SSBP4: variants seen among roughly 807,000 people sequenced by gnomAD.
The protein encoded by SSBP4 is single stranded DNA binding protein 4, also known as single-stranded DNA-binding protein 4.
A neutral mutation model predicts 64.6 loss-of-function variants in SSBP4; 33 were observed. The ratio of observed to expected loss-of-function variants is 0.51; its 90% confidence interval spans 0.39 to 0.68. The LOEUF is 0.68. Among genes scored for constraint, SSBP4 ranks in the 30% least tolerant of loss-of-function variants. The probability of loss-of-function intolerance (pLI) is 0.00; values close to 1 mark genes in which losing one functional copy is unlikely to be tolerated. For missense variants in SSBP4, 583 were observed against 566.8 expected (o/e 1.03, Z -0.29); for synonymous variants, 243 against 224.0 (o/e 1.08, Z -0.76).
the SSBP4 span, among the ~76,000 whole-genome samples, chr19:18,404,891 C>CAAA: frequency 0.068 from 3,019 of 44,454 alleles, 239 homozygotes; most frequent in African/African-American, 0.17. Flanking sequence ...GACTCCATCT[C>CAAA]AAAAAAAAAA....
At position 18,427,344 on chromosome 19, in the gene SSBP4, C is replaced by T. The variant is rs1972930481; in HGVS notation, c.60-7C>T. On this transcript the variant is annotated splice_polypyrimidine_tract_variant and splice_region_variant and intron_variant, in intron 1 of 17. Coordinates refer to ENST00000270061, the MANE Select transcript of SSBP4 (RefSeq NM_032627.5). The surrounding 1 kb of genome is among the most constrained non-coding windows in gnomAD (Gnocchi z 4.4). The stretch of plus-strand genomic sequence containing the variant: ...TCTGAGCTCCCTGGGCCGCCTCGCC[C>T]CCACAGGTTGGCGCTGTACGTTTAT... 1.2e-6 allele frequency: 2 copies of T among 1,609,280 alleles called. No homozygotes were observed. The highest frequency in any genetic ancestry group is 1.7e-5 in the Admixed American group (1 of 59,966).
chr19:18,433,648 C>T (rs763762937), intron 16 of SSBP4, 35 bp downstream of exon 16: 16 of 205,772 alleles, frequency 7.8e-5, no homozygotes, highest in Non-Finnish European at 9.5e-5. Context: ...GGGTGGGATC[C>T]GGGGGGGGTG....
intron 17 of SSBP4, 117 bp downstream of exon 17, chr19:18,433,934 T>G (rs1973759956): frequency 8.1e-7 from 1 of 1,240,040 alleles, no homozygotes; most frequent in Admixed American, 4.3e-5. Context: ...GCGGGCCAGG[T>G]GGGGGGGCGG....
the SSBP4 span, among the ~76,000 whole-genome samples, chr19:18,411,318 C>T: frequency 6.6e-6 from 1 of 151,516 alleles, no homozygotes; most frequent in Admixed American, 6.6e-5. Flanking sequence ...CATGATGAAA[C>T]CTTGTCTCTA....
the SSBP4 span, among the ~76,000 whole-genome samples, chr19:18,413,153 T>TG: frequency 4.7e-5 from 7 of 148,956 alleles, no homozygotes; most frequent in African/African-American, 1.5e-4. Flanking sequence ...TTGGGTTTTT[T>TG]TTTTTTTTTT....
chr19:18,411,374 A>G, the SSBP4 span, among the ~76,000 whole-genome samples: 4 of 152,148 alleles, frequency 2.6e-5, no homozygotes, highest in African/African-American at 4.8e-5. Flanking sequence ...ACACACCTGT[A>G]ATCCCAGCTA....
rs1366561605 is a variant in SSBP4, at chr19:18,432,903, G to A, written c.841+20G>A. Reference sequence around the variant, plus strand: ...CTGGAGGTATGGCCTAGTAAGAGGTGGGGGTGTGCTAGGGTGGGTGTGTTT... The same window carrying A: ...CTGGAGGTATGGCCTAGTAAGAGGTAGGGGTGTGCTAGGGTGGGTGTGTTT... On this transcript the variant is annotated intron_variant, in intron 13 of 17. Coordinates refer to ENST00000270061, the MANE Select transcript of SSBP4 (RefSeq NM_032627.5). The A allele has an allele frequency of 6.2e-7, 1 of 1,613,842 alleles. No individual in the cohort carries two copies. Among genetic ancestry groups the A allele is most frequent in the African/African-American group, 1.3e-5 (1 of 74,898 alleles).
intron 10 of SSBP4, 152 bp downstream of exon 10, chr19:18,432,366 A>C (rs1973478847): frequency 1.5e-6 from 2 of 1,306,114 alleles, no homozygotes; most frequent in African/African-American, 1.5e-5. Flanking sequence ...GACTTGAAGT[A>C]GCAATTAGTC....
intron 4 of SSBP4, among the ~76,000 whole-genome samples, chr19:18,429,168 T>C (rs1973119017): frequency 6.6e-6 from 1 of 151,966 alleles, no homozygotes; most frequent in South Asian, 2.1e-4. Context: ...GCTCTCGCTC[T>C]AACTGGGGGC....
chr19:18,424,892 G>A (rs956281788), intron 1 of SSBP4, among the ~76,000 whole-genome samples: 12 of 151,766 alleles, frequency 7.9e-5, no homozygotes, highest in African/African-American at 1.5e-4. Context: ...AGGGGTGGGG[G>A]CTCAGGGTGT....
chr19:18,418,965 C>T, upstream of SSBP4: 3 of 985,280 alleles, frequency 3.0e-6, no homozygotes, highest in Non-Finnish European at 3.6e-6. The surrounding 1 kb of genome is among the most constrained non-coding windows in gnomAD (Gnocchi z 6.7). Flanking sequence ...TGGTTCCCAC[C>T]CTTGCTGAGT....
Position 18,419,492 on chromosome 19 carries a change from G to T in SSBP4, c.-157G>T, listed in dbSNP as rs1371304607. 3.7e-6 allele frequency: 4 copies of T among 1,092,066 alleles called. No individual in the cohort carries two copies. In the Admixed American group the frequency reaches 1.5e-4, roughly 42 times the overall value. The allele number at this position is 1,092,066 out of a possible 1,614,324, so 67.6% of individuals were successfully genotyped here. ...GAGCCGCCGCTGCCGCCGCCGCCGC[G>T]GCCGTCTGGAGCTCCCCCGCGCGGA... On this transcript the variant is annotated 5_prime_UTR_variant, in exon 1 of 18. Transcript: ENST00000270061.
chr19:18,408,136 C>T, the SSBP4 span, among the ~76,000 whole-genome samples: 9 of 152,204 alleles, frequency 5.9e-5, no homozygotes, highest in Admixed American at 5.9e-4. Context: ...CATGGTCGGC[C>T]AAGCATGTCC....
chr19:18,409,478 C>T, the SSBP4 span, among the ~76,000 whole-genome samples: 5 of 151,950 alleles, frequency 3.3e-5, no homozygotes, highest in African/African-American at 9.7e-5. Context: ...TGAGCCATGG[C>T]GACCAGCTGT....
intron 4 of SSBP4, among the ~76,000 whole-genome samples, chr19:18,428,758 T>C (rs563610438): frequency 4.0e-5 from 6 of 151,666 alleles, no homozygotes; most frequent in Admixed American, 6.6e-5. Context: ...GGGGCGCCCA[T>C]GTCTCTGAAG....
chr19:18,425,193 C>G (rs1355631815), intron 1 of SSBP4, among the ~76,000 whole-genome samples: 1 of 152,048 alleles, frequency 6.6e-6, no homozygotes, highest in Non-Finnish European at 1.5e-5. Context: ...AGGTAGAACC[C>G]TTCGCAGCCC....
chr19:18,431,346 C>G lies in SSBP4; in HGVS notation c.370-7C>G, dbSNP rs1054572149. ...TCCCCCCCACCCACCTGGTTCTGTC[C>G]TCCTAGGGCCCCCCCGGCTCCCAGC... On this transcript the variant is annotated splice_polypyrimidine_tract_variant and splice_region_variant and intron_variant, in intron 5 of 17. Transcript: ENST00000270061. 1.9e-5 allele frequency: 15 copies of G among 781,748 alleles called. No individual in the cohort carries two copies. Among genetic ancestry groups the G allele is most frequent in the African/African-American group, 3.6e-5 (2 of 56,272 alleles). 48.4% of individuals were successfully genotyped at this position (781,748 alleles called of 1,614,324 possible). A position where few individuals can be genotyped will look rare whatever the true frequency, so the allele number is the denominator to read the frequency against.
chr19:18,422,554 G>GC (rs1298483354), intron 1 of SSBP4, among the ~76,000 whole-genome samples: 1 of 152,164 alleles, frequency 6.6e-6, no homozygotes, highest in African/African-American at 2.4e-5. Context: ...AGGGACACCA[G>GC]GGCCCTGGAG....
At position 18,426,129 on chromosome 19, in the gene SSBP4, C is replaced by T. The variant is rs555567686; in HGVS notation, c.60-1222C>T. 1 of 152,496 alleles carries T rather than the reference C, an allele frequency of 6.6e-6. No individual in the cohort carries two copies. The highest frequency in any genetic ancestry group is 1.5e-5 in the Non-Finnish European group (1 of 68,182). The allele number at this position is 152,496 out of a possible 1,614,324, so 9.4% of individuals were successfully genotyped here. On this transcript the variant is annotated intron_variant, in intron 1 of 17. Coordinates refer to ENST00000270061, the MANE Select transcript of SSBP4 (RefSeq NM_032627.5). The surrounding 1 kb of genome is among the most constrained non-coding windows in gnomAD (Gnocchi z 4.5). Reference sequence around the variant, plus strand: ...TGTTCTCTAGGGGCCGGGGCAGGAACAGGAGGACTGGAAATCTGAAAGGGA... The same window carrying T: ...TGTTCTCTAGGGGCCGGGGCAGGAATAGGAGGACTGGAAATCTGAAAGGGA...
Sources: gnomAD v4.1 joint callset for allele counts (sites outside exome capture counted in the v4.1 genomes callset) on GRCh38, gnomAD v4.1.1 for gene constraint, Gnocchi (gnomAD v3.1) non-coding constraint, MANE v1.5 for transcripts, NCBI Gene and HGNC (gene_info 2026-07-23, HGNC 2026-07-21) for gene names.